ANKAR: variants seen among roughly 807,000 people sequenced by gnomAD.
ANKAR encodes ankyrin and armadillo repeat containing, also known as ankyrin and armadillo repeat-containing protein.
A neutral mutation model predicts 146.2 loss-of-function variants in ANKAR; 136 were observed. That is an observed-to-expected ratio of 0.93 (90% CI 0.81 to 1.07). The LOEUF is 1.07. ANKAR is among the 50% of genes least tolerant of loss of function. ANKAR has a pLI of 0.00. For synonymous variants in ANKAR, 500 were observed against 575.8 expected, an observed-to-expected ratio of 0.87 and a Z score of 1.88; for missense variants, 1,567 against 1,679.9, an observed-to-expected ratio of 0.93 and a Z score of 1.18.
At position 189,738,694 on chromosome 2, in the gene ANKAR, CT is replaced by C; in HGVS notation, c.3700+13del. Reference sequence around the variant, plus strand: ...TATTGTCTTGACAGGTAAGAAATGACTAGAAGTTAATTTTAGCCACATAAAA... The same window carrying C: ...TATTGTCTTGACAGGTAAGAAATGACAGAAGTTAATTTTAGCCACATAAAA... On this transcript the variant is annotated intron_variant, in intron 19 of 22. Transcript: ENST00000684021. 1 of 1,496,376 alleles carries C rather than the reference CT, an allele frequency of 6.7e-7. No individual in the cohort carries two copies. The allele number at this position is 1,496,376 out of a possible 1,614,324, so 92.7% of individuals were successfully genotyped here.
At chr2:189,738,475 T>TAA (rs56352098) in intron 18 of ANKAR, 90 bp from the exon 19 acceptor site, 23,123 of 623,362 alleles carry the variant, frequency 0.037, 3 homozygotes, top group South Asian at 0.049. Context: ...TCAAAAGAAT[T>TAA]AAAAAAAAAA....
intron 18 of ANKAR, chr2:189,754,658 T>G (rs1288376134): frequency 2.4e-5 from 7 of 292,718 alleles, no homozygotes; most frequent in Non-Finnish European, 3.8e-5. Context: ...TGTCCTATAC[T>G]TCCTATTATT....
intron 18 of ANKAR, chr2:189,754,526 A>G (rs1298139704): frequency 3.5e-6 from 2 of 576,972 alleles, no homozygotes; most frequent in African/African-American, 1.9e-5. Flanking sequence ...CCTGTTCCTT[A>G]TGATGACCCG....
At chr2:189,721,714 T>C (rs769522338) in intron 12 of ANKAR, among the ~76,000 whole-genome samples, 4 of 152,182 alleles carry the variant, frequency 2.6e-5, no homozygotes, top group Non-Finnish European at 4.4e-5. Context: ...GTTCCAAATA[T>C]ACGGTTTTCC....
intron 15 of ANKAR, 78 bp downstream of exon 15, chr2:189,728,899 C>G: frequency 1.5e-6 from 2 of 1,358,630 alleles, no homozygotes; most frequent in East Asian, 4.7e-5. Flanking sequence ...AAATTAATCT[C>G]TCTTCCTCTC....
At chr2:189,733,752 C>T (rs1232892999) in intron 17 of ANKAR, among the ~76,000 whole-genome samples, 2 of 151,922 alleles carry the variant, frequency 1.3e-5, no homozygotes, top group African/African-American at 2.4e-5. Context: ...CTAATTTGCA[C>T]GCCTTATTTA....
At chr2:189,688,103 T>G (rs1379502687) in intron 2 of ANKAR, among the ~76,000 whole-genome samples, 1 of 152,180 alleles carries the variant, frequency 6.6e-6, no homozygotes, top group Non-Finnish European at 1.5e-5. Flanking sequence ...AGGTCTTAGA[T>G]TTAAGTATTT....
intron 17 of ANKAR, among the ~76,000 whole-genome samples, chr2:189,735,336 A>G (rs2042752826): frequency 6.6e-6 from 1 of 152,180 alleles, no homozygotes; most frequent in Non-Finnish European, 1.5e-5. Context: ...CAAAGGATTT[A>G]TCCGGCCTTG....
intron 21 of ANKAR, among the ~76,000 whole-genome samples, chr2:189,743,843 T>C (rs1176576836): frequency 2.6e-5 from 4 of 152,176 alleles, no homozygotes; most frequent in Admixed American, 6.5e-5. Flanking sequence ...TAGCATCAAA[T>C]GGGTTTTCCG....
In ANKAR at chr2:189,695,020, G is replaced by C; in HGVS notation, c.1347G>C (p.Gln449His). ...ATTTTGAACTAGAAACTTTCTATCA[G>C]CAACTATATAAGACACAGTGGTGGG... The part of the protein sequence containing the change: ...VIYFELETFY[Q>H]QLYKTQWWGA... Residue 449 changes from glutamine (Q) to histidine (H), a missense_variant, in exon 6 of 23, where the codon CAG (glutamine) becomes CAC (histidine). Gln to His is a conservative substitution (Grantham distance 24). Coordinates refer to ENST00000684021, the MANE Select transcript of ANKAR (RefSeq NM_001378068.1). 6.4e-7 allele frequency: 1 copy of C among 1,562,552 alleles called. No individual in the cohort carries two copies. The highest frequency in any genetic ancestry group is 8.7e-7 in the Non-Finnish European group (1 of 1,154,470).
chr2:189,699,681 A>G (rs531670312), intron 7 of ANKAR, among the ~76,000 whole-genome samples: 1 of 152,284 alleles, frequency 6.6e-6, no homozygotes, highest in African/African-American at 2.4e-5. Flanking sequence ...TTATTTTGAG[A>G]TGGAATCTTG....
At chr2:189,710,563 G>A (rs887525142) in intron 9 of ANKAR, among the ~76,000 whole-genome samples, 1 of 152,146 alleles carries the variant, frequency 6.6e-6, no homozygotes, top group Non-Finnish European at 1.5e-5. Context: ...ACTTTGGGAG[G>A]CCAAGGCAAG....
Position 189,720,770 on chromosome 2 carries a change from T to G in ANKAR, c.2618T>G (p.Phe873Cys), listed in dbSNP as rs750042792. 1 of 1,491,578 alleles carries G rather than the reference T, an allele frequency of 6.7e-7. No individual in the cohort carries two copies. The highest frequency in any genetic ancestry group is 8.9e-7 in the Non-Finnish European group (1 of 1,126,982). The allele number at this position is 1,491,578 out of a possible 1,614,324, so 92.4% of individuals were successfully genotyped here. ...AAAGGCCTCCCATATCTTATCAGAT[T>G]TCTGAGTTCTGATTCAGGTGAGCTT... Reference protein sequence around the residue: ...EHKGLPYLIRFLSSDSDVLKA... With the variant: ...EHKGLPYLIRCLSSDSDVLKA... Residue 873 changes from phenylalanine (F) to cysteine (C), a missense_variant, in exon 12 of 23, where the codon TTT becomes TGT. Physicochemically the swap from Phe to Cys is radical, Grantham distance 205. Transcript: ENST00000684021.
chr2:189,738,708 T>G, intron 19 of ANKAR, 26 bp downstream of exon 19: 1 of 1,420,822 alleles, frequency 7.0e-7, no homozygotes, highest in Non-Finnish European at 9.8e-7. Flanking sequence ...AAGTTAATTT[T>G]AGCCACATAA....
chr2:189,690,328 T>A (rs191310639), intron 3 of ANKAR, among the ~76,000 whole-genome samples: 1 of 152,152 alleles, frequency 6.6e-6, no homozygotes, highest in East Asian at 1.9e-4. Context: ...ATATTTTTCA[T>A]TGAAGTATAC....
At chr2:189,725,304 A>G (rs1477624179) in intron 12 of ANKAR, among the ~76,000 whole-genome samples, 1 of 151,542 alleles carries the variant, frequency 6.6e-6, no homozygotes, top group African/African-American at 2.4e-5. Context: ...ACACACACAC[A>G]CACACACACA....
At position 189,720,744 on chromosome 2, in the gene ANKAR, T is replaced by G; in HGVS notation, c.2592T>G (p.His864Gln). 6.6e-7 allele frequency: 1 copy of G among 1,517,670 alleles called. No individual in the cohort carries two copies. Among genetic ancestry groups the G allele is most frequent in the Non-Finnish European group, 8.8e-7 (1 of 1,137,948 alleles). The allele number at this position is 1,517,670 out of a possible 1,614,324, so 94.0% of individuals were successfully genotyped here. A position where few individuals can be genotyped will look rare whatever the true frequency, so the allele number is the denominator to read the frequency against. The change falls in exon 12 of 23, where the codon CAT becomes CAG. Residue 864 changes from histidine to glutamine, a missense_variant. His to Gln is a conservative substitution (Grantham distance 24, BLOSUM62 0). Coordinates refer to ENST00000684021, the MANE Select transcript of ANKAR (RefSeq NM_001378068.1). ...ACAATCAAAGAGCTGTGAGAGAACA[T>G]AAAGGCCTCCCATATCTTATCAGAT... ...NENNQRAVRE[H>Q]KGLPYLIRFL...
intron 10 of ANKAR, 85 bp downstream of exon 10, chr2:189,711,238 A>G (rs1191577569): frequency 1.9e-6 from 2 of 1,044,258 alleles, no homozygotes; most frequent in East Asian, 5.8e-5. Context: ...ATATATTTTT[A>G]ATTGTAAAGG....
intron 7 of ANKAR, among the ~76,000 whole-genome samples, chr2:189,699,442 C>T (rs1411951155): frequency 6.6e-6 from 1 of 152,064 alleles, no homozygotes; most frequent in Non-Finnish European, 1.5e-5. Context: ...TACAATTATT[C>T]CAAGTCTACT....
Sources: gnomAD v4.1 joint callset for allele counts (sites outside exome capture counted in the v4.1 genomes callset) on GRCh38, gnomAD v4.1.1 for gene constraint, MANE v1.5 for transcripts, NCBI Gene and HGNC (gene_info 2026-07-23, HGNC 2026-07-21) for gene names.